The following ACTR3C variants were observed in gnomAD, a reference collection of about 807,000 sequenced individuals.
ACTR3C encodes the protein actin-related protein 3C.
In ACTR3C, 18 loss-of-function variants were observed where a neutral mutation model predicts 26.3. The observed-to-expected ratio is 0.68, with a 90% confidence interval of 0.47 to 1.01. The LOEUF is 1.01. Among genes scored for constraint, ACTR3C ranks in the 50% least tolerant of loss-of-function variants. ACTR3C has a pLI of 0.00. For synonymous variants in ACTR3C, 55 were observed against 94.5 expected (o/e 0.58, Z 2.42); for missense variants, 184 against 250.7 (o/e 0.73, Z 1.80).
the ACTR3C span, among the ~76,000 whole-genome samples, chr7:150,164,698 G>A: frequency 2.6e-5 from 4 of 152,122 alleles, no homozygotes; most frequent in African/African-American, 9.6e-5. Flanking sequence ...TTCAGGCCAG[G>A]AGATGAGCTC....
At chr7:150,106,202 ACAAAGG>A in the ACTR3C span, among the ~76,000 whole-genome samples, 54 of 151,694 alleles carry the variant, frequency 3.6e-4, no homozygotes, top group South Asian at 0.01. Context: ...TAACCAGGGC[ACAAAGG>A]TTATCACAGA....
chr7:150,085,819 T>C, the ACTR3C span, among the ~76,000 whole-genome samples: 1 of 152,138 alleles, frequency 6.6e-6, no homozygotes, highest in Non-Finnish European at 1.5e-5. Flanking sequence ...CCCAATTCTT[T>C]AGAACCAGGA....
chr7:150,303,364 G>A (rs1472896196), intron 1 of ACTR3C, among the ~76,000 whole-genome samples: 1 of 152,154 alleles, frequency 6.6e-6, no homozygotes, highest in Non-Finnish European at 1.5e-5. Context: ...CTAGAGTAGA[G>A]AGATTGTTAG....
At chr7:150,102,742 G>A in the ACTR3C span, among the ~76,000 whole-genome samples, 1 of 151,496 alleles carries the variant, frequency 6.6e-6, no homozygotes, top group Non-Finnish European at 1.5e-5. Context: ...TCTCACTTCT[G>A]AAATCAACAC....
chr7:150,101,741 A>C, the ACTR3C span, among the ~76,000 whole-genome samples: 2 of 151,768 alleles, frequency 1.3e-5, no homozygotes, highest in Admixed American at 1.3e-4. Context: ...CTAGTTTCTG[A>C]GTTAATGAAC....
chr7:150,080,139 C>T, the ACTR3C span, among the ~76,000 whole-genome samples: 1 of 151,832 alleles, frequency 6.6e-6, no homozygotes, highest in Admixed American at 6.6e-5. Context: ...AGACCTGGTC[C>T]CAACTCTGAC....
chr7:150,039,695 C>CG, the ACTR3C span, among the ~76,000 whole-genome samples: 1 of 120,624 alleles, frequency 8.3e-6, no homozygotes, highest in East Asian at 2.9e-4. Flanking sequence ...GGGTCCTAAG[C>CG]CGGGGGGGAA....
the ACTR3C span, among the ~76,000 whole-genome samples, chr7:149,999,370 C>G: frequency 2.2e-3 from 331 of 149,420 alleles, 3 homozygotes; most frequent in African/African-American, 7.7e-3. Flanking sequence ...CAATAGCGTT[C>G]AATCAGACGG....
the ACTR3C span, among the ~76,000 whole-genome samples, chr7:149,942,685 T>G: frequency 6.8e-6 from 1 of 146,076 alleles, no homozygotes; most frequent in Non-Finnish European, 1.5e-5. Flanking sequence ...CAGTTCAAAA[T>G]GATTTCAGTG....
chr7:150,036,175 G>A, the ACTR3C span, among the ~76,000 whole-genome samples: 56 of 139,310 alleles, frequency 4.0e-4, no homozygotes, highest in African/African-American at 1.4e-3. Context: ...CCCCCGCGAT[G>A]GGAGTCCCAA....
chr7:150,316,658 G>GT (rs1796948324), intron 1 of ACTR3C, among the ~76,000 whole-genome samples: 1 of 151,928 alleles, frequency 6.6e-6, no homozygotes, highest in East Asian at 1.9e-4. Context: ...GCTAATTTTT[G>GT]TATTTTTAGT....
chr7:150,316,871 T>C (rs1178724233), intron 1 of ACTR3C, among the ~76,000 whole-genome samples: 1 of 152,200 alleles, frequency 6.6e-6, no homozygotes, highest in Non-Finnish European at 1.5e-5. Context: ...CCGATATCTT[T>C]TAGATATTTA....
chr7:150,156,448 A>G, the ACTR3C span, among the ~76,000 whole-genome samples: 1 of 152,160 alleles, frequency 6.6e-6, no homozygotes, highest in Admixed American at 6.6e-5. Flanking sequence ...TCTTGATGAA[A>G]TAAAAATGAA....
the ACTR3C span, among the ~76,000 whole-genome samples, chr7:150,149,363 A>G: frequency 6.6e-6 from 1 of 151,550 alleles, no homozygotes; most frequent in African/African-American, 2.4e-5. Flanking sequence ...TTATTATTAT[A>G]CTTTAAGTTC....
At chr7:150,038,898 G>GCCC in the ACTR3C span, among the ~76,000 whole-genome samples, 1 of 89,724 alleles carries the variant, frequency 1.1e-5, no homozygotes, top group Admixed American at 1.2e-4. Flanking sequence ...CCTCCCCCCT[G>GCCC]CGATGGGGGT....
chr7:149,914,191 C>A, the ACTR3C span, among the ~76,000 whole-genome samples: 1 of 151,600 alleles, frequency 6.6e-6, no homozygotes, highest in African/African-American at 2.4e-5. Flanking sequence ...GCCCAGCTAC[C>A]AAATGCAGCA....
the ACTR3C span, among the ~76,000 whole-genome samples, chr7:149,913,718 C>A: frequency 6.7e-6 from 1 of 150,344 alleles, no homozygotes; most frequent in African/African-American, 2.4e-5. Flanking sequence ...AACTCACTGA[C>A]CTCAACTACG....
intron 1 of ACTR3C, among the ~76,000 whole-genome samples, chr7:150,300,457 G>A (rs1488443965): frequency 1.3e-5 from 2 of 152,136 alleles, no homozygotes; most frequent in South Asian, 2.1e-4. Context: ...GGCTAAGAAC[G>A]GGTAAGGGCG....
the ACTR3C span, among the ~76,000 whole-genome samples, chr7:150,034,757 C>A: frequency 6.6e-6 from 1 of 150,628 alleles, no homozygotes; most frequent in African/African-American, 2.4e-5. Context: ...CTAGGATCAA[C>A]GAAGGGGGCC....
Sources: gnomAD v4.1 joint callset for allele counts (sites outside exome capture counted in the v4.1 genomes callset) on GRCh38, gnomAD v4.1.1 for gene constraint, MANE v1.5 for transcripts, NCBI Gene and HGNC (gene_info 2026-07-23, HGNC 2026-07-21) for gene names.